The following NIPBL variants were observed in gnomAD, a reference collection of about 807,000 sequenced individuals.
The protein encoded by NIPBL is nipped-B-like protein.
In NIPBL, 19 loss-of-function variants were observed where a neutral mutation model predicts 321.8. The observed-to-expected ratio is 0.06, with a 90% CI of 0.04 to 0.09. The LOEUF is 0.09. Among genes scored for constraint, NIPBL ranks in the 10% least tolerant of loss-of-function variants. The pLI, the probability that NIPBL is intolerant of heterozygous loss-of-function variation, is 1.00. For synonymous variants in NIPBL, 1,106 were observed against 1,114.1 expected, an observed-to-expected ratio of 0.99 and a Z score of 0.14; for missense variants, 2,210 against 3,327.0, an observed-to-expected ratio of 0.66 and a Z score of 8.26.
intron 1 of NIPBL, among the ~76,000 whole-genome samples, chr5:36,933,381 CTG>C (rs1749926935): frequency 6.6e-6 from 1 of 151,908 alleles, no homozygotes; most frequent in Non-Finnish European, 1.5e-5. Flanking sequence ...TCAAAAGGGT[CTG>C]TGGAAATAAT....
chr5:36,884,949 G>A (rs1395175515), intron 1 of NIPBL, among the ~76,000 whole-genome samples: 2 of 152,082 alleles, frequency 1.3e-5, no homozygotes, highest in Admixed American at 1.3e-4. Context: ...GTGAAGTACA[G>A]GAAGGGTTTT....
At chr5:36,989,408 C>G (rs1745215109) in intron 10 of NIPBL, among the ~76,000 whole-genome samples, 1 of 152,122 alleles carries the variant, frequency 6.6e-6, no homozygotes. Context: ...GGCAGTGTAA[C>G]TGTTTGTAGA....
chr5:36,908,817 A>G (rs1039556953), intron 1 of NIPBL, among the ~76,000 whole-genome samples: 1 of 152,216 alleles, frequency 6.6e-6, no homozygotes, highest in Non-Finnish European at 1.5e-5. Flanking sequence ...TTCAGAAGTA[A>G]TCGGTCAGGT....
At chr5:37,056,697 C>T (rs1250621160) in intron 42 of NIPBL, among the ~76,000 whole-genome samples, 1 of 152,082 alleles carries the variant, frequency 6.6e-6, no homozygotes, top group African/African-American at 2.4e-5. Context: ...AGAATAGTAA[C>T]TGTGTGTAAC....
At chr5:36,909,908 T>C (rs1402965724) in intron 1 of NIPBL, among the ~76,000 whole-genome samples, 1 of 152,020 alleles carries the variant, frequency 6.6e-6, no homozygotes, top group Non-Finnish European at 1.5e-5. Context: ...AAACCCCGCC[T>C]TTACTCAAAA....
chr5:36,925,249 AT>A (rs1749262182), intron 1 of NIPBL, among the ~76,000 whole-genome samples: 2 of 150,072 alleles, frequency 1.3e-5, no homozygotes, highest in Admixed American at 1.3e-4. Context: ...TTTTACACTT[AT>A]TTTACATACA....
chr5:36,887,837 A>G (rs1746032525), intron 1 of NIPBL, among the ~76,000 whole-genome samples: 1 of 152,216 alleles, frequency 6.6e-6, no homozygotes, highest in Admixed American at 6.5e-5. Context: ...ATTCCATAGT[A>G]TGTAAGTCTG....
rs145702522 is a variant in NIPBL at position 36,899,190 on chromosome 5, GAC to G, written c.-80+22014_-80+22015del. Among the ~76,000 whole-genome samples, 374 of 152,316 alleles carry G rather than the reference GAC, an allele frequency of 2.5e-3. 16 individuals are homozygous for G. The East Asian group carries it at 0.064, about 26-fold the overall frequency. The stretch of plus-strand genomic sequence containing the variant: ...AGAAGCAAATAGACTCAGTGAAAGA[GAC>G]AGTCATGGGAGAACCCCTTAAATAG... On this transcript the variant is annotated intron_variant, in intron 1 of 46. Coordinates refer to ENST00000282516, the MANE Select transcript of NIPBL (RefSeq NM_133433.4).
intron 1 of NIPBL, among the ~76,000 whole-genome samples, chr5:36,949,396 T>C (rs981017567): frequency 1.3e-5 from 2 of 151,898 alleles, no homozygotes; most frequent in African/African-American, 4.8e-5. Context: ...AGCCTGATCT[T>C]GACTCCAGCT....
intron 34 of NIPBL, among the ~76,000 whole-genome samples, chr5:37,043,861 C>T (rs1752707301): frequency 6.6e-6 from 1 of 152,204 alleles, no homozygotes; most frequent in African/African-American, 2.4e-5. Context: ...AGCAGCATCC[C>T]TGGCCTCTAT....
At chr5:37,016,975 T>A in intron 23 of NIPBL, 44 bp from the exon 24 acceptor site, 1 of 1,253,060 alleles carries the variant, frequency 8.0e-7, no homozygotes. Flanking sequence ...ATTTAAAATA[T>A]ATTGTTATAA....
At chr5:36,908,883 A>G (rs1011647754) in intron 1 of NIPBL, among the ~76,000 whole-genome samples, 1 of 152,258 alleles carries the variant, frequency 6.6e-6, no homozygotes, top group Non-Finnish European at 1.5e-5. Flanking sequence ...AGGAATGTAT[A>G]ACATATACCA....
Position 37,020,500 on chromosome 5 carries a change from A to G in NIPBL, c.5052A>G (p.Thr1684=), listed in dbSNP as rs765047071. 15 of 1,613,848 alleles carry G rather than the reference A, an allele frequency of 9.3e-6. No individual in the cohort carries two copies. The highest frequency in any genetic ancestry group is 1.6e-4 in the Middle Eastern group (1 of 6,080). ...ATATAGCCCAGTGGTTTCGAGACAC[A>G]ACTCTGGAAACAGAAAAAGCAATGA... ...KFYIAQWFRD[T]TLETEKAMKS... The change falls in exon 26 of 47, where the codon ACA becomes ACG. Residue 1684 remains threonine, a synonymous_variant. Coordinates refer to ENST00000282516, the MANE Select transcript of NIPBL (RefSeq NM_133433.4).
rs1334508334 is a variant in NIPBL at position 36,996,121 on chromosome 5, CCT to C, written c.3304+318_3304+319del. On this transcript the variant is annotated intron_variant, in intron 11 of 46. Coordinates refer to ENST00000282516, the MANE Select transcript of NIPBL (RefSeq NM_133433.4). The surrounding 1 kb of genome is among the most constrained non-coding windows in gnomAD (Gnocchi z 5.0). ...GTAAAAATGCAAATAAGATATGGCC[CCT>C]GTCTTCAAAGAGCCTTCAGTCTAAT... Among the ~76,000 whole-genome samples, 1 of 151,966 alleles carries C rather than the reference CCT, an allele frequency of 6.6e-6. No homozygotes were observed. Among genetic ancestry groups the C allele is most frequent in the Non-Finnish European group, 1.5e-5 (1 of 67,988 alleles).
At chr5:36,956,011 A>G (rs1414747269) in intron 3 of NIPBL, among the ~76,000 whole-genome samples, 1 of 151,200 alleles carries the variant, frequency 6.6e-6, no homozygotes, top group Admixed American at 6.6e-5. Flanking sequence ...CACGAGATCA[A>G]GAGATTGAGA....
At chr5:36,956,642 T>TG (rs1740989285) in intron 3 of NIPBL, among the ~76,000 whole-genome samples, 1 of 133,528 alleles carries the variant, frequency 7.5e-6, no homozygotes, top group Non-Finnish European at 1.6e-5. Context: ...TTTTTTTTTT[T>TG]GAGATGGAGT....
At chr5:36,881,126 T>C (rs1183766755) in intron 1 of NIPBL, among the ~76,000 whole-genome samples, 1 of 152,034 alleles carries the variant, frequency 6.6e-6, no homozygotes, top group East Asian at 1.9e-4. Context: ...ATTTTCCTGG[T>C]ATGAAAATAG....
intron 21 of NIPBL, among the ~76,000 whole-genome samples, chr5:37,012,621 G>C (rs369616475): frequency 9.2e-5 from 14 of 152,192 alleles, no homozygotes; most frequent in South Asian, 2.1e-4. Context: ...CCGGCCTTCC[G>C]CAGTGTTTGT....
chr5:36,888,925 T>C (rs943082565), intron 1 of NIPBL, among the ~76,000 whole-genome samples: 1 of 152,142 alleles, frequency 6.6e-6, no homozygotes, highest in Non-Finnish European at 1.5e-5. Flanking sequence ...TATATTTTGC[T>C]CTAGTGCCAA....
Sources: allele counts gnomAD v4.1 joint callset (sites outside exome capture counted in the v4.1 genomes callset), GRCh38; gene constraint gnomAD v4.1.1; non-coding constraint Gnocchi (gnomAD v3.1); transcripts MANE v1.5; gene names NCBI Gene and HGNC (gene_info 2026-07-23, HGNC 2026-07-21).